Variants in TARBP1 observed in about 807,000 individuals in gnomAD.
TARBP1 encodes the protein tRNA (guanosine(18)-2'-O)-methyltransferase TARBP1.
A neutral mutation model predicts 178.6 loss-of-function variants in TARBP1; 144 were observed. The ratio of observed to expected loss-of-function variants is 0.81; its 90% CI spans 0.70 to 0.93. The LOEUF (loss-of-function observed/expected upper bound fraction) is 0.93, where lower values mean the gene tolerates loss of function less well. Among genes scored for constraint, TARBP1 ranks in the 40% least tolerant of loss-of-function variants. The probability of loss-of-function intolerance (pLI) is 0.00; values close to 1 mark genes in which losing one functional copy is unlikely to be tolerated. For missense variants in TARBP1, 2,067 were observed against 2,011.7 expected, an observed-to-expected ratio of 1.03 and a Z score of -0.53; for synonymous variants, 787 against 781.0, an observed-to-expected ratio of 1.01 and a Z score of -0.13.
intron 25 of TARBP1, 30 bp downstream of exon 25, chr1:234,401,151 G>A: frequency 6.4e-7 from 1 of 1,564,480 alleles, no homozygotes. Flanking sequence ...AGATACAATA[G>A]AGAATTTACA....
In TARBP1 at chr1:234,393,428, C is replaced by A; in HGVS notation, c.4494G>T (p.Gln1498His). The A allele has an allele frequency of 6.2e-7, 1 of 1,610,916 alleles. No homozygotes were observed. The highest frequency in any genetic ancestry group is 1.1e-5 in the South Asian group (1 of 90,712). The change falls in exon 28 of 30, where the codon CAG (glutamine) becomes CAT (histidine). Residue 1498 changes from glutamine (Q) to histidine (H), a missense_variant. By Grantham distance (24) the Gln-to-His change is conservative. Transcript: ENST00000040877. ...GCTGAAACTGTTTGTCGCTGATACA[C>A]TGAAGGCTGCCAACAACGAGCACTG... is the stretch of plus-strand genomic sequence containing the variant. ...GASVLVVGSL[Q>H]CISDKQFQHL...
chr1:234,459,114 T>A, intron 8 of TARBP1, 116 bp downstream of exon 8: 1 of 667,938 alleles, frequency 1.5e-6, no homozygotes, highest in Middle Eastern at 2.6e-4. Context: ...ATTTATTATT[T>A]TATTACAAGC....
chr1:234,391,557 A>C lies in TARBP1; in HGVS notation c.*20T>G. The C allele has an allele frequency of 6.3e-7, 1 of 1,576,744 alleles. No individual in the cohort carries two copies. The highest frequency in any genetic ancestry group is 8.6e-7 in the Non-Finnish European group (1 of 1,157,802). The stretch of plus-strand genomic sequence containing the variant: ...TTAAAAAAGTCTGAACAGCAGCAGC[A>C]GTTCACTAAGGAAGGCACATCATGG... On this transcript the variant is annotated 3_prime_UTR_variant, in exon 30 of 30. Coordinates refer to ENST00000040877, the MANE Select transcript of TARBP1 (RefSeq NM_005646.4).
intron 3 of TARBP1, among the ~76,000 whole-genome samples, chr1:234,469,599 T>A (rs181042266): frequency 1.2e-4 from 19 of 152,364 alleles, no homozygotes; most frequent in Admixed American, 5.2e-4. Flanking sequence ...GTCAAACTAT[T>A]AAACTGTAAT....
At chr1:234,393,886 CTATATATT>C in intron 26 of TARBP1, 49 bp from the exon 27 acceptor site, 1 of 1,397,388 alleles carries the variant, frequency 7.2e-7, no homozygotes, top group African/African-American at 1.5e-5. Context: ...ATCTGAATCT[CTATATATT>C]TATGTATACA....
chr1:234,403,813 A>G (rs1660947432), intron 24 of TARBP1, among the ~76,000 whole-genome samples: 1 of 152,126 alleles, frequency 6.6e-6, no homozygotes, highest in Non-Finnish European at 1.5e-5. Context: ...CCTCCCGAGT[A>G]GCTGAGATTA....
At chr1:234,456,090 C>T (rs1215022906) in intron 9 of TARBP1, among the ~76,000 whole-genome samples, 1 of 152,186 alleles carries the variant, frequency 6.6e-6, no homozygotes, top group Non-Finnish European at 1.5e-5. Context: ...TTTGAAACCT[C>T]TCTCAATCTG....
At chr1:234,437,889 G>A (rs530876423) in intron 12 of TARBP1, among the ~76,000 whole-genome samples, 11 of 152,324 alleles carry the variant, frequency 7.2e-5, no homozygotes, top group African/African-American at 2.4e-4. Flanking sequence ...GCAGGAAAGT[G>A]GCCTCGGAAA....
intron 21 of TARBP1, among the ~76,000 whole-genome samples, chr1:234,419,352 A>T (rs1314206468): frequency 6.6e-6 from 1 of 152,148 alleles, no homozygotes; most frequent in African/African-American, 2.4e-5. Flanking sequence ...TTTTGTAGTT[A>T]GGCTTGATTT....
intron 12 of TARBP1, among the ~76,000 whole-genome samples, chr1:234,443,886 T>C (rs763388268): frequency 6.6e-6 from 1 of 152,188 alleles, no homozygotes; most frequent in Non-Finnish European, 1.5e-5. Flanking sequence ...ATGATTCCAC[T>C]TCTAGGAGGT....
Position 234,478,318 on chromosome 1 carries a change from G to C in TARBP1, c.786C>G (p.Cys262Trp). 2.1e-6 allele frequency: 3 copies of C among 1,401,264 alleles called. No homozygotes were observed. Among genetic ancestry groups the C allele is most frequent in the Non-Finnish European group, 2.8e-6 (3 of 1,077,460 alleles). The allele number at this position is 1,401,264 out of a possible 1,614,324, so 86.8% of individuals were successfully genotyped here. The change falls in exon 1 of 30, where the codon TGC (cysteine) becomes TGG (tryptophan). Residue 262 changes from cysteine (C) to tryptophan (W), a missense_variant. Coordinates refer to ENST00000040877, the MANE Select transcript of TARBP1 (RefSeq NM_005646.4). ...AREAGPDARR[C>W]WRFWRTVQAG... is the part of the protein sequence containing the mutation. Reference sequence around the variant, plus strand: ...CCTGCACCGTCCTCCAGAAGCGCCAGCAGCGCCGGGCGTCCGGGCCCGCCT... The same window carrying C: ...CCTGCACCGTCCTCCAGAAGCGCCACCAGCGCCGGGCGTCCGGGCCCGCCT...
At chr1:234,435,115 G>A (rs1181018003) in intron 13 of TARBP1, among the ~76,000 whole-genome samples, 3 of 152,150 alleles carry the variant, frequency 2.0e-5, no homozygotes, top group Non-Finnish European at 2.9e-5. Context: ...GACATAGGGC[G>A]CTAGAAGGGA....
At chr1:234,432,974 T>A (rs1664623137) in intron 14 of TARBP1, among the ~76,000 whole-genome samples, 1 of 152,178 alleles carries the variant, frequency 6.6e-6, no homozygotes, top group African/African-American at 2.4e-5. Flanking sequence ...ATATTAAGAG[T>A]ATCACCTGTA....
At chr1:234,468,560 T>G (rs1571870959) in intron 3 of TARBP1, among the ~76,000 whole-genome samples, 1 of 152,188 alleles carries the variant, frequency 6.6e-6, no homozygotes. Context: ...GAACTTCAGA[T>G]TTGGAATAGT....
At chr1:234,428,684 T>C (rs1664050145) in intron 17 of TARBP1, among the ~76,000 whole-genome samples, 1 of 152,254 alleles carries the variant, frequency 6.6e-6, no homozygotes, top group South Asian at 2.1e-4. Flanking sequence ...TAGCTGGGAT[T>C]ACAGGCGTGC....
At chr1:234,411,960 T>C (rs913834234) in intron 22 of TARBP1, among the ~76,000 whole-genome samples, 1 of 152,230 alleles carries the variant, frequency 6.6e-6, no homozygotes, top group East Asian at 1.9e-4. Context: ...TTACTGAATG[T>C]CTTCTACATG....
chr1:234,465,799 G>A (rs1472231779), intron 4 of TARBP1, 91 bp from the exon 5 acceptor site: 19 of 1,214,746 alleles, frequency 1.6e-5, no homozygotes, highest in Non-Finnish European at 2.0e-5. Flanking sequence ...ATCCTACACA[G>A]GCTTACAGAA....
rs1024160497 is a variant in TARBP1, at chr1:234,393,783, T to A, written c.4298A>T (p.Lys1433Met). 2.5e-6 allele frequency: 4 copies of A among 1,613,952 alleles called. No individual in the cohort carries two copies. The highest frequency in any genetic ancestry group is 1.7e-5 in the Admixed American group (1 of 60,002). ...AACACGACTGTTCCACGGGATAATC[T>A]TCTTCTGAACGTCGGTCCACTCCGC... ...NQAEWTDVQK[K>M]IIPWNSRVSD... The change falls in exon 27 of 30, where the codon AAG becomes ATG. Residue 1433 changes from lysine (K) to methionine (M), a missense_variant. Transcript: ENST00000040877.
chr1:234,446,902 T>C lies in TARBP1; in HGVS notation c.2035A>G (p.Thr679Ala). 1.2e-6 allele frequency: 2 copies of C among 1,614,024 alleles called. No homozygotes were observed. The highest frequency in any genetic ancestry group is 1.7e-6 in the Non-Finnish European group (2 of 1,179,970). ...TTCAGCAAGGGCATGTAGGCATTGG[T>C]ACTAAACTTCATAAGCACATCCAGA... ...PLLDVLMKFS[T>A]NAYMPLLKTD... The change falls in exon 12 of 30, where the codon ACC (threonine) becomes GCC (alanine). Residue 679 changes from threonine (T) to alanine (A), a missense_variant. Transcript: ENST00000040877.
Sources: allele counts gnomAD v4.1 joint callset (sites outside exome capture counted in the v4.1 genomes callset), GRCh38; gene constraint gnomAD v4.1.1; transcripts MANE v1.5; gene names NCBI Gene and HGNC (gene_info 2026-07-23, HGNC 2026-07-21).